The following BRINP1 variants were observed in gnomAD, a reference collection of about 807,000 sequenced individuals.
BRINP1 encodes the protein BMP/retinoic acid-inducible neural-specific protein 1.
In BRINP1, 17 loss-of-function variants were observed where a neutral mutation model predicts 72.9. That is an observed-to-expected ratio of 0.23 (90% CI 0.16 to 0.35). The LOEUF (loss-of-function observed/expected upper bound fraction) is 0.35. Ranked by LOEUF, BRINP1 falls within the 10% of genes least tolerant of loss-of-function variation. The pLI is 1.00. For synonymous variants in BRINP1, 418 were observed against 378.5 expected, an observed-to-expected ratio of 1.10 and a Z score of -1.21; for missense variants, 850 against 1,001.6, an observed-to-expected ratio of 0.85 and a Z score of 2.04.
chr9:119,278,078 C>A (rs1830673774), intron 2 of BRINP1, among the ~76,000 whole-genome samples: 1 of 152,126 alleles, frequency 6.6e-6, no homozygotes, highest in South Asian at 2.1e-4. Flanking sequence ...TATGTCTTTT[C>A]CCTACTGTTT....
chr9:119,231,938 C>A (rs567085132), intron 5 of BRINP1, among the ~76,000 whole-genome samples: 1 of 152,082 alleles, frequency 6.6e-6, no homozygotes, highest in African/African-American at 2.4e-5. Context: ...GTATTTATAT[C>A]CTAATTTATA....
At chr9:119,326,253 G>C (rs4836762) in intron 1 of BRINP1, among the ~76,000 whole-genome samples, 38,689 of 151,950 alleles carry the variant, frequency 0.25, 5,915 homozygotes, top group Non-Finnish European at 0.33. Context: ...TATGACTCAG[G>C]GTTTTAAAAC....
At chr9:119,265,628 C>A (rs1169753605) in intron 2 of BRINP1, among the ~76,000 whole-genome samples, 3 of 151,936 alleles carry the variant, frequency 2.0e-5, no homozygotes, top group Admixed American at 6.6e-5. Flanking sequence ...AACAAACAAA[C>A]AAAAAATCAG....
chr9:119,363,765 T>C (rs1042851696), intron 1 of BRINP1, among the ~76,000 whole-genome samples: 2 of 152,176 alleles, frequency 1.3e-5, no homozygotes, highest in African/African-American at 4.8e-5. Flanking sequence ...CATATAGCTA[T>C]GTAAATTAAA....
chr9:119,353,080 C>T (rs1831521709), intron 1 of BRINP1, among the ~76,000 whole-genome samples: 1 of 152,218 alleles, frequency 6.6e-6, no homozygotes, highest in South Asian at 2.1e-4. Context: ...TCCTCCTTGA[C>T]TTCATTTTAT....
At chr9:119,293,289 T>G (rs1311279144) in intron 2 of BRINP1, among the ~76,000 whole-genome samples, 1 of 151,502 alleles carries the variant, frequency 6.6e-6, no homozygotes, top group East Asian at 1.9e-4. Context: ...TCTTTTTCCT[T>G]TTTTTTTTCT....
chr9:119,289,880 C>T (rs528145559), intron 2 of BRINP1, among the ~76,000 whole-genome samples: 7 of 152,184 alleles, frequency 4.6e-5, no homozygotes, highest in Non-Finnish European at 7.3e-5. Flanking sequence ...GGAAGATGCA[C>T]GACAGTCCCT....
At chr9:119,240,225 T>C (rs1171696179) in intron 4 of BRINP1, among the ~76,000 whole-genome samples, 1 of 152,124 alleles carries the variant, frequency 6.6e-6, no homozygotes, top group Non-Finnish European at 1.5e-5. Flanking sequence ...GCCAAGATCA[T>C]GCCATTGCAC....
At chr9:119,331,522 C>T (rs1338581424) in intron 1 of BRINP1, among the ~76,000 whole-genome samples, 1 of 152,172 alleles carries the variant, frequency 6.6e-6, no homozygotes, top group African/African-American at 2.4e-5. Flanking sequence ...TCGGGAGGTT[C>T]CAGTAGAATT....
intron 2 of BRINP1, among the ~76,000 whole-genome samples, chr9:119,285,194 C>G (rs1830746980): frequency 8.8e-6 from 1 of 113,584 alleles, no homozygotes; most frequent in African/African-American, 3.5e-5. Flanking sequence ...CAAGTTCTTG[C>G]AGGCATCAAA....
At chr9:119,296,501 A>G (rs531411643) in intron 2 of BRINP1, among the ~76,000 whole-genome samples, 1 of 152,354 alleles carries the variant, frequency 6.6e-6, no homozygotes, top group South Asian at 2.1e-4. Context: ...TGATCCAGCA[A>G]TCCCACTTAT....
intron 7 of BRINP1, among the ~76,000 whole-genome samples, chr9:119,204,886 C>T (rs1380976084): frequency 1.3e-5 from 2 of 152,208 alleles, no homozygotes; most frequent in African/African-American, 4.8e-5. Flanking sequence ...TCCCTCTTTC[C>T]CTCTCCCACC....
intron 2 of BRINP1, among the ~76,000 whole-genome samples, chr9:119,269,396 T>G (rs963428887): frequency 3.9e-5 from 6 of 152,160 alleles, no homozygotes; most frequent in Non-Finnish European, 7.4e-5. Flanking sequence ...TAGCCTGAAT[T>G]TCTTCCACTT....
chr9:119,168,481 G>T (rs528527564), intron 7 of BRINP1, among the ~76,000 whole-genome samples: 5 of 147,112 alleles, frequency 3.4e-5, no homozygotes, highest in South Asian at 4.2e-4. Flanking sequence ...GAAGGGGTTG[G>T]AGTAAATGTT....
At chr9:119,288,927 A>C (rs934556190) in intron 2 of BRINP1, among the ~76,000 whole-genome samples, 7 of 152,210 alleles carry the variant, frequency 4.6e-5, no homozygotes, top group Middle Eastern at 3.4e-3. Flanking sequence ...CAGCCTCCCA[A>C]GTAGCTGGGA....
chr9:119,335,008 G>C (rs2119015706), intron 1 of BRINP1, among the ~76,000 whole-genome samples: 1 of 152,296 alleles, frequency 6.6e-6, no homozygotes, highest in South Asian at 2.1e-4. Flanking sequence ...GGGTCTGTTA[G>C]AGTGAGTGAT....
At chr9:119,268,016 G>A (rs949596417) in intron 2 of BRINP1, among the ~76,000 whole-genome samples, 3 of 152,170 alleles carry the variant, frequency 2.0e-5, no homozygotes, top group Non-Finnish European at 4.4e-5. Context: ...GCCGAGACAG[G>A]TGGATCACCT....
intron 1 of BRINP1, among the ~76,000 whole-genome samples, chr9:119,314,765 C>T (rs1379763111): frequency 1.3e-5 from 2 of 152,194 alleles, no homozygotes; most frequent in African/African-American, 4.8e-5. Flanking sequence ...ACTTTCCTGA[C>T]ATTCAGTTTC....
intron 1 of BRINP1, among the ~76,000 whole-genome samples, chr9:119,367,193 A>ATGTGTGTGTG (rs10656214): frequency 5.4e-5 from 6 of 111,554 alleles, no homozygotes; most frequent in Admixed American, 9.9e-5. Flanking sequence ...ATATGAACAC[A>ATGTGTGTGTG]TGTGTGTGTG....
Sources: gnomAD v4.1 joint callset for allele counts (sites outside exome capture counted in the v4.1 genomes callset) on GRCh38, gnomAD v4.1.1 for gene constraint, MANE v1.5 for transcripts, NCBI Gene and HGNC (gene_info 2026-07-23, HGNC 2026-07-21) for gene names.